KLF12: variants seen among roughly 807,000 people sequenced by gnomAD.
The protein encoded by KLF12 is KLF transcription factor 12, also known as Krueppel-like factor 12.
A neutral mutation model predicts 37.8 loss-of-function variants in KLF12; 9 were observed. The observed-to-expected ratio is 0.24, with a 90% CI of 0.14 to 0.42. The LOEUF (loss-of-function observed/expected upper bound fraction) is 0.42, where lower values mean the gene tolerates loss of function less well. Among genes scored for constraint, KLF12 ranks in the 10% least tolerant of loss-of-function variants. The pLI is 1.00. For synonymous variants in KLF12, 208 were observed against 202.1 expected, an observed-to-expected ratio of 1.03 and a Z score of -0.25; for missense variants, 411 against 516.0, an observed-to-expected ratio of 0.80 and a Z score of 1.97.
At chr13:74,241,964 C>T in the KLF12 span, among the ~76,000 whole-genome samples, 1 of 152,184 alleles carries the variant, frequency 6.6e-6, no homozygotes, top group South Asian at 2.1e-4. Flanking sequence ...ATCTTGGCTC[C>T]TCCCCCCAGG....
the KLF12 span, chr13:74,259,321 C>T: frequency 1.3e-5 from 2 of 152,188 alleles, no homozygotes; most frequent in African/African-American, 4.8e-5. Context: ...TATTTACTTT[C>T]TAGACCATAG....
intron 6 of KLF12, among the ~76,000 whole-genome samples, chr13:73,732,951 C>T (rs193108360): frequency 1.3e-5 from 2 of 152,170 alleles, no homozygotes; most frequent in African/African-American, 4.8e-5. Context: ...AACAGGGGTC[C>T]CTCATGATTA....
chr13:74,187,217 G>A, the KLF12 span, among the ~76,000 whole-genome samples: 2 of 152,082 alleles, frequency 1.3e-5, no homozygotes, highest in Admixed American at 6.6e-5. Context: ...AGTCCCAAGT[G>A]GGAGGCAGAG....
chr13:73,836,326 A>G (rs189825783), intron 4 of KLF12, among the ~76,000 whole-genome samples: 1 of 152,338 alleles, frequency 6.6e-6, no homozygotes, highest in African/African-American at 2.4e-5. Context: ...AGTCTGGAAC[A>G]GAAAAAGAAT....
At position 73,905,425 on chromosome 13, in the gene KLF12, C is replaced by T. The variant is rs137959531; in HGVS notation, c.123+38556G>A. Among the ~76,000 whole-genome samples, 381 of 151,598 alleles carry T rather than the reference C, an allele frequency of 2.5e-3. 11 individuals are homozygous for T. The highest frequency in any genetic ancestry group is 8.5e-3 in the African/African-American group (350 of 40,946). On this transcript the variant is annotated intron_variant, in intron 3 of 7. Coordinates refer to ENST00000377669, the MANE Select transcript of KLF12 (RefSeq NM_007249.5). ...TTAATCACCTAGGCAAGTAATAGTACAATAACTTTACAAATACACAATTCA... is the reference window on the plus strand; with the variant it reads ...TTAATCACCTAGGCAAGTAATAGTATAATAACTTTACAAATACACAATTCA...
chr13:74,261,899 T>G, the KLF12 span, among the ~76,000 whole-genome samples: 1 of 152,214 alleles, frequency 6.6e-6, no homozygotes, highest in African/African-American at 2.4e-5. Flanking sequence ...CAGAGCTTCA[T>G]GACCAAATGA....
intron 3 of KLF12, among the ~76,000 whole-genome samples, chr13:73,850,620 C>A (rs964469933): frequency 1.3e-5 from 2 of 152,188 alleles, no homozygotes; most frequent in Non-Finnish European, 2.9e-5. Context: ...AGCTGAGGAG[C>A]AATGCATAAT....
At chr13:74,066,341 A>C (rs1395339259) in intron 1 of KLF12, among the ~76,000 whole-genome samples, 1 of 152,150 alleles carries the variant, frequency 6.6e-6, no homozygotes, top group Non-Finnish European at 1.5e-5. Context: ...TATATCCATT[A>C]CCAACTCGTA....
intron 6 of KLF12, among the ~76,000 whole-genome samples, chr13:73,751,370 G>C (rs1878746198): frequency 6.6e-6 from 1 of 152,102 alleles, no homozygotes; most frequent in Admixed American, 6.6e-5. Flanking sequence ...CAGTGTATAG[G>C]TGTTCCTTTT....
intron 1 of KLF12, among the ~76,000 whole-genome samples, chr13:74,003,102 A>C (rs890848100): frequency 3.3e-5 from 5 of 152,218 alleles, no homozygotes; most frequent in Non-Finnish European, 5.9e-5. Context: ...TAATGAAAGT[A>C]AGTGATTAAA....
chr13:73,726,828 C>A (rs182757927), intron 6 of KLF12, among the ~76,000 whole-genome samples: 3 of 152,290 alleles, frequency 2.0e-5, no homozygotes, highest in South Asian at 2.1e-4. Context: ...TTAGGTCATA[C>A]GATAATTCTA....
intron 5 of KLF12, 95 bp downstream of exon 5, chr13:73,813,057 G>T: frequency 7.4e-7 from 1 of 1,359,506 alleles, no homozygotes. Context: ...TTCACAGCTA[G>T]AATGACATGG....
At chr13:74,168,025 AT>A in the KLF12 span, among the ~76,000 whole-genome samples, 1 of 152,234 alleles carries the variant, frequency 6.6e-6, no homozygotes, top group East Asian at 1.9e-4. Flanking sequence ...AGAATTCAAA[AT>A]TTTCCAAAAT....
At chr13:73,954,150 T>C (rs1404834085) in intron 2 of KLF12, among the ~76,000 whole-genome samples, 1 of 151,792 alleles carries the variant, frequency 6.6e-6, no homozygotes, top group Non-Finnish European at 1.5e-5. Flanking sequence ...GGCTAATTTT[T>C]TGTATTTTTA....
At chr13:73,960,414 T>C (rs559474414) in intron 2 of KLF12, 10 of 284,230 alleles carry the variant, frequency 3.5e-5, no homozygotes, top group South Asian at 3.1e-4. Flanking sequence ...TTTTAAATGT[T>C]ATCTATACAA....
chr13:74,075,572 G>C (rs1372992828), intron 1 of KLF12, among the ~76,000 whole-genome samples: 1 of 152,144 alleles, frequency 6.6e-6, no homozygotes, highest in South Asian at 2.1e-4. Context: ...GAGAACCACT[G>C]ATCATTAAAC....
At chr13:74,100,045 GGA>G (rs746050834) in intron 1 of KLF12, among the ~76,000 whole-genome samples, 3 of 152,078 alleles carry the variant, frequency 2.0e-5, no homozygotes, top group African/African-American at 7.3e-5. Context: ...AGTGTGGAGG[GGA>G]GAGAGAGCAC....
At chr13:74,195,863 T>C in the KLF12 span, among the ~76,000 whole-genome samples, 2 of 152,124 alleles carry the variant, frequency 1.3e-5, no homozygotes, top group Non-Finnish European at 2.9e-5. Context: ...GGATTACAGG[T>C]GTGAGCTACC....
At chr13:74,304,673 TTAGA>T in the KLF12 span, among the ~76,000 whole-genome samples, 1 of 152,048 alleles carries the variant, frequency 6.6e-6, no homozygotes, top group South Asian at 2.1e-4. Flanking sequence ...TGTTTATTAC[TTAGA>T]TAGTATGGTA....
Sources: allele counts gnomAD v4.1 joint callset (sites outside exome capture counted in the v4.1 genomes callset), GRCh38; gene constraint gnomAD v4.1.1; transcripts MANE v1.5; gene names NCBI Gene and HGNC (gene_info 2026-07-23, HGNC 2026-07-21).